CNTNAP2: variants seen among roughly 807,000 people sequenced by gnomAD.
The protein encoded by CNTNAP2 is contactin associated protein 2, also known as contactin-associated protein-like 2.
A neutral mutation model predicts 155.2 loss-of-function variants in CNTNAP2; 98 were observed. That is an observed-to-expected ratio of 0.63 (90% CI 0.54 to 0.75). The LOEUF (loss-of-function observed/expected upper bound fraction) is 0.75. CNTNAP2 is among the 30% of genes least tolerant of loss of function. CNTNAP2 has a pLI of 0.00. For missense variants in CNTNAP2, 1,727 were observed against 1,688.1 expected, an observed-to-expected ratio of 1.02 and a Z score of -0.40; for synonymous variants, 651 against 631.2, an observed-to-expected ratio of 1.03 and a Z score of -0.47.
At chr7:148,324,842 G>C (rs577721038) in intron 21 of CNTNAP2, among the ~76,000 whole-genome samples, 3 of 148,522 alleles carry the variant, frequency 2.0e-5, no homozygotes, top group African/African-American at 7.5e-5. Flanking sequence ...TACTATGCTA[G>C]ATACCCAGCA....
At chr7:147,170,500 G>T (rs1584769480) in intron 8 of CNTNAP2, among the ~76,000 whole-genome samples, 1 of 152,198 alleles carries the variant, frequency 6.6e-6, no homozygotes, top group East Asian at 1.9e-4. Flanking sequence ...GATAGACCAC[G>T]CCCTTACTGG....
intron 1 of CNTNAP2, among the ~76,000 whole-genome samples, chr7:146,327,079 A>G (rs1382679505): frequency 3.3e-5 from 5 of 152,280 alleles, no homozygotes; most frequent in Admixed American, 2.6e-4. Context: ...AATAATATAG[A>G]TAGTAAAATC....
In CNTNAP2 at chr7:146,734,227, G is replaced by C. The variant is rs566557951; in HGVS notation, c.98-40044G>C. 9.9e-5 allele frequency among the ~76,000 whole-genome samples: 15 copies of C among 152,088 alleles called. No homozygotes were observed. In the East Asian group the frequency reaches 2.1e-3, roughly 22 times the overall value. On this transcript the variant is annotated intron_variant, in intron 1 of 23. Transcript: ENST00000361727. ...TTTTTCCTATATTTGACCCCAACTG[G>C]AGAAATGTGTATTATTATTTTTCAA...
chr7:146,244,146 G>A (rs539935774), intron 1 of CNTNAP2, among the ~76,000 whole-genome samples: 154 of 152,282 alleles, frequency 1.0e-3, no homozygotes, highest in African/African-American at 3.6e-3. Flanking sequence ...TCTAAGAATT[G>A]GGACGACTCA....
intron 1 of CNTNAP2, among the ~76,000 whole-genome samples, chr7:146,589,999 A>G (rs1798756853): frequency 6.6e-6 from 1 of 152,216 alleles, no homozygotes; most frequent in African/African-American, 2.4e-5. Flanking sequence ...TACTTTGGCC[A>G]GAACTCAGTC....
chr7:146,228,769 C>A (rs939711311), intron 1 of CNTNAP2, among the ~76,000 whole-genome samples: 1 of 152,052 alleles, frequency 6.6e-6, no homozygotes, highest in Admixed American at 6.6e-5. Context: ...TTTAATGATT[C>A]TTGTAAATAG....
intron 15 of CNTNAP2, among the ~76,000 whole-genome samples, chr7:148,055,735 CA>C (rs1802994551): frequency 3.3e-5 from 1 of 30,542 alleles, no homozygotes; most frequent in African/African-American, 8.9e-5. Context: ...TAACACATTG[CA>C]GTTAAGAAGG....
intron 15 of CNTNAP2, among the ~76,000 whole-genome samples, chr7:148,090,276 G>T (rs533600145): frequency 2.6e-5 from 4 of 151,460 alleles, no homozygotes; most frequent in South Asian, 2.1e-4. Context: ...AAACTAAAAA[G>T]CTTCTGCACA....
intron 9 of CNTNAP2, 72 bp downstream of exon 9, chr7:147,300,362 G>A (rs1794924163): frequency 6.4e-7 from 1 of 1,557,962 alleles, no homozygotes; most frequent in African/African-American, 1.4e-5. Flanking sequence ...GTTTGATTAT[G>A]AAGTATTTAT....
chr7:147,533,151 AGTTTCT>A (rs1449672626), intron 11 of CNTNAP2, among the ~76,000 whole-genome samples: 3 of 152,204 alleles, frequency 2.0e-5, no homozygotes, highest in African/African-American at 2.4e-5. Context: ...GCTGGAATTC[AGTTTCT>A]GTTTGGGGAT....
intron 14 of CNTNAP2, among the ~76,000 whole-genome samples, chr7:147,951,544 G>C (rs1270361095): frequency 6.6e-6 from 1 of 152,150 alleles, no homozygotes; most frequent in Non-Finnish European, 1.5e-5. Context: ...AAAATAGTCA[G>C]AAATGAACGT....
chr7:146,196,965 T>C (rs577050486), intron 1 of CNTNAP2, among the ~76,000 whole-genome samples: 16 of 152,270 alleles, frequency 1.1e-4, no homozygotes, highest in African/African-American at 3.4e-4. Flanking sequence ...AAACACTGGG[T>C]AATATTTTTG....
At chr7:147,946,017 G>A (rs1351178879) in intron 14 of CNTNAP2, among the ~76,000 whole-genome samples, 11 of 151,560 alleles carry the variant, frequency 7.3e-5, no homozygotes, top group Non-Finnish European at 1.0e-4. Context: ...ACAGATGCGC[G>A]CCACCATGCT....
intron 8 of CNTNAP2, among the ~76,000 whole-genome samples, chr7:147,176,844 TATA>T (rs1453581999): frequency 1.6e-5 from 2 of 125,978 alleles, no homozygotes; most frequent in Non-Finnish European, 3.2e-5. Context: ...AATTATATAT[TATA>T]ATATATAATA....
chr7:147,044,106 G>T (rs1349889644), intron 4 of CNTNAP2, 52 bp downstream of exon 4: 2 of 1,598,992 alleles, frequency 1.3e-6, no homozygotes, highest in African/African-American at 2.7e-5. Flanking sequence ...TATTTAAATA[G>T]TAAGCTGTTT....
chr7:146,839,999 T>C, intron 3 of CNTNAP2, 95 bp downstream of exon 3: 1 of 1,383,588 alleles, frequency 7.2e-7, no homozygotes, highest in Non-Finnish European at 1.0e-6. Context: ...TATCAATATT[T>C]ATGTATTCAA....
At chr7:146,399,143 A>T (rs1584906949) in intron 1 of CNTNAP2, among the ~76,000 whole-genome samples, 1 of 152,214 alleles carries the variant, frequency 6.6e-6, no homozygotes, top group South Asian at 2.1e-4. Context: ...ATGGATAAAT[A>T]AAGCTAATTG....
chr7:147,206,327 G>C (rs1803023183), intron 8 of CNTNAP2, among the ~76,000 whole-genome samples: 1 of 150,972 alleles, frequency 6.6e-6, no homozygotes, highest in African/African-American at 2.4e-5. Context: ...CACTTTGGGA[G>C]GCTGAGGCAG....
chr7:146,666,707 G>A (rs977792519), intron 1 of CNTNAP2, among the ~76,000 whole-genome samples: 1 of 152,160 alleles, frequency 6.6e-6, no homozygotes, highest in African/African-American at 2.4e-5. Flanking sequence ...GGGGTCAGAT[G>A]CTATCACATT....
Sources: gnomAD v4.1 joint callset for allele counts (sites outside exome capture counted in the v4.1 genomes callset) on GRCh38, gnomAD v4.1.1 for gene constraint, MANE v1.5 for transcripts, NCBI Gene and HGNC (gene_info 2026-07-23, HGNC 2026-07-21) for gene names.